Variants in LCLAT1 observed in about 807,000 individuals in gnomAD.
LCLAT1 encodes lysocardiolipin acyltransferase 1.
Under a neutral mutation model 30.7 loss-of-function variants are expected in LCLAT1, and 11 were observed. The observed-to-expected ratio is 0.36, with a 90% confidence interval of 0.23 to 0.59. LCLAT1 has a LOEUF of 0.59. Among genes scored for constraint, LCLAT1 ranks in the 20% least tolerant of loss-of-function variants. The pLI is 0.77. For synonymous variants in LCLAT1, 155 were observed against 151.3 expected, an observed-to-expected ratio of 1.02 and a Z score of -0.18; for missense variants, 402 against 458.6, an observed-to-expected ratio of 0.88 and a Z score of 1.13.
At chr2:30,462,730 G>T (rs1347372777) in intron 1 of LCLAT1, among the ~76,000 whole-genome samples, 1 of 152,184 alleles carries the variant, frequency 6.6e-6, no homozygotes, top group East Asian at 1.9e-4. Flanking sequence ...GCGTGATAAG[G>T]TTGGGTGATT....
chr2:30,459,670 G>A (rs1423427344), intron 1 of LCLAT1: 1 of 1,614,134 alleles, frequency 6.2e-7, no homozygotes, highest in East Asian at 2.2e-5. Context: ...AATTAACGAG[G>A]CAGTTTCTAG....
At chr2:30,629,814 G>A (rs767373578) in intron 5 of LCLAT1, among the ~76,000 whole-genome samples, 1 of 151,992 alleles carries the variant, frequency 6.6e-6, no homozygotes, top group Non-Finnish European at 1.5e-5. Flanking sequence ...TTTTTAATGT[G>A]ATATCTATAT....
At chr2:30,566,912 A>G (rs1034636172) in intron 4 of LCLAT1, among the ~76,000 whole-genome samples, 1 of 152,246 alleles carries the variant, frequency 6.6e-6, no homozygotes, top group South Asian at 2.1e-4. Context: ...ATGTTCAGAT[A>G]TTTGTACATG....
intron 1 of LCLAT1, among the ~76,000 whole-genome samples, chr2:30,519,158 C>G (rs1352440694): frequency 6.6e-6 from 1 of 152,236 alleles, no homozygotes; most frequent in East Asian, 1.9e-4. Context: ...TCCCAAAACC[C>G]TACTAACTGT....
chr2:30,477,819 A>G (rs1469955845), intron 1 of LCLAT1, among the ~76,000 whole-genome samples: 1 of 152,174 alleles, frequency 6.6e-6, no homozygotes, highest in African/African-American at 2.4e-5. Flanking sequence ...ATTTTAATGA[A>G]AGTAGGAGGT....
intron 5 of LCLAT1, among the ~76,000 whole-genome samples, chr2:30,609,416 T>A (rs1234018252): frequency 6.6e-6 from 1 of 152,180 alleles, no homozygotes; most frequent in East Asian, 1.9e-4. Context: ...GGTGTGAGGA[T>A]CTGGTTTTAT....
chr2:30,536,880 A>T (rs1038355530), intron 3 of LCLAT1, among the ~76,000 whole-genome samples: 1 of 152,198 alleles, frequency 6.6e-6, no homozygotes, highest in East Asian at 1.9e-4. Context: ...CTTGAATGTA[A>T]AGCATTTAAA....
At chr2:30,556,828 C>T (rs1490475871) in intron 3 of LCLAT1, among the ~76,000 whole-genome samples, 4 of 151,734 alleles carry the variant, frequency 2.6e-5, no homozygotes, top group Non-Finnish European at 5.9e-5. Flanking sequence ...GCACTGCAAC[C>T]TCCGCCTCCC....
At chr2:30,628,243 C>T (rs984901548) in intron 5 of LCLAT1, among the ~76,000 whole-genome samples, 2 of 151,972 alleles carry the variant, frequency 1.3e-5, no homozygotes, top group African/African-American at 4.8e-5. Context: ...GTGAAGAAAA[C>T]TGAAATTTAT....
intron 5 of LCLAT1, chr2:30,607,486 C>T (rs551490387): frequency 4.5e-4 from 69 of 152,180 alleles, no homozygotes; most frequent in African/African-American, 1.5e-3. Context: ...TAGAAAATTC[C>T]TATCACCTGG....
chr2:30,637,633 A>T (rs1183727373), intron 5 of LCLAT1, among the ~76,000 whole-genome samples: 1 of 152,118 alleles, frequency 6.6e-6, no homozygotes, highest in African/African-American at 2.4e-5. Flanking sequence ...GCTGGAGTGC[A>T]TTGGCACGAT....
intron 1 of LCLAT1, among the ~76,000 whole-genome samples, chr2:30,483,633 T>G (rs1275500757): frequency 6.6e-6 from 1 of 152,202 alleles, no homozygotes; most frequent in East Asian, 1.9e-4. Flanking sequence ...TAATTTTTTT[T>G]TAATGTCTGC....
chr2:30,506,386 G>A lies in LCLAT1; in HGVS notation c.-4-19201G>A, dbSNP rs142557332. On this transcript the variant is annotated intron_variant, in intron 1 of 5. Coordinates refer to ENST00000379509, the MANE Select transcript of LCLAT1 (RefSeq NM_001002257.3). ...ATATTTCTAATGGTTTCTCAAAACC[G>A]TACTATAATAGAGACAGTGTTTTAA... Among the ~76,000 whole-genome samples, 16 of 152,026 alleles carry A rather than the reference G, an allele frequency of 1.1e-4. No homozygotes were observed. In the East Asian group the frequency reaches 2.9e-3, roughly 28 times the overall value.
chr2:30,485,064 G>C (rs1004027401), intron 1 of LCLAT1, among the ~76,000 whole-genome samples: 1 of 152,058 alleles, frequency 6.6e-6, no homozygotes, highest in Admixed American at 6.6e-5. Flanking sequence ...ACTAATACTG[G>C]TTTTTGTAAT....
intron 1 of LCLAT1, among the ~76,000 whole-genome samples, chr2:30,497,510 T>G (rs959038270): frequency 1.3e-5 from 2 of 152,254 alleles, no homozygotes; most frequent in African/African-American, 2.4e-5. Flanking sequence ...TTTTACTCTT[T>G]TGTAAATAAT....
At chr2:30,586,161 G>A (rs542074986) in intron 5 of LCLAT1, among the ~76,000 whole-genome samples, 4 of 147,514 alleles carry the variant, frequency 2.7e-5, no homozygotes, top group African/African-American at 2.5e-5. Flanking sequence ...GGGGAATGGC[G>A]TCAACCCGGG....
intron 1 of LCLAT1, among the ~76,000 whole-genome samples, chr2:30,468,364 G>T (rs548827530): frequency 9.2e-5 from 14 of 152,084 alleles, no homozygotes; most frequent in East Asian, 3.9e-4. Context: ...TAGTATAGTT[G>T]GAAGTCAGGT....
At chr2:30,618,494 G>C (rs1368005693) in intron 5 of LCLAT1, among the ~76,000 whole-genome samples, 1 of 152,002 alleles carries the variant, frequency 6.6e-6, no homozygotes, top group Non-Finnish European at 1.5e-5. Flanking sequence ...TCATAACTTT[G>C]ATATTGTAAA....
intron 1 of LCLAT1, among the ~76,000 whole-genome samples, chr2:30,501,190 C>T (rs1440960411): frequency 6.6e-6 from 1 of 151,830 alleles, no homozygotes; most frequent in East Asian, 1.9e-4. Context: ...TGAGACTGAT[C>T]TCCCGTCTCC....
Sources: allele counts gnomAD v4.1 joint callset (sites outside exome capture counted in the v4.1 genomes callset), GRCh38; gene constraint gnomAD v4.1.1; transcripts MANE v1.5; gene names NCBI Gene and HGNC (gene_info 2026-07-23, HGNC 2026-07-21).